ART5: variants seen among roughly 807,000 people sequenced by gnomAD.
The protein encoded by ART5 is ADP-ribosyltransferase 5.
Under a neutral mutation model 25.0 loss-of-function variants are expected in ART5, and 22 were observed. That is an observed-to-expected ratio of 0.88 (90% CI 0.63 to 1.26). The LOEUF is 1.26. ART5 is among the 50% of genes most tolerant of loss of function. The pLI is 0.00. For synonymous variants in ART5, 161 were observed against 154.8 expected (o/e 1.04, Z -0.30); for missense variants, 402 against 372.8 (o/e 1.08, Z -0.64).
Position 3,638,999 on chromosome 11 carries a change from T to C in ART5, c.820+4A>G, listed in dbSNP as rs1001035551. On this transcript the variant is annotated splice_donor_region_variant and intron_variant, in intron 3 of 3. Transcript: ENST00000397068. ...AGCTGAAGGAGGATGGAAGGGCAAC[T>C]CACCTGGCGCAGACACACAGCCCCG... The C allele has an allele frequency of 3.2e-6, 5 of 1,555,030 alleles. No homozygotes were observed. The highest frequency in any genetic ancestry group is 2.4e-5 in the East Asian group (1 of 41,098).
upstream of ART5, chr11:3,642,211 C>G (rs1286484726): frequency 1.7e-6 from 2 of 1,146,866 alleles, no homozygotes; most frequent in East Asian, 5.0e-5. Context: ...CGGGAGGGAG[C>G]GCCGAGGGCT....
chr11:3,640,981 G>A (rs2044427976), intron 1 of ART5, among the ~76,000 whole-genome samples: 1 of 152,134 alleles, frequency 6.6e-6, no homozygotes, highest in African/African-American at 2.4e-5. Flanking sequence ...GACCTCAAGT[G>A]ATCCACCAGC....
upstream of ART5, chr11:3,642,130 G>A (rs564622810): frequency 1.7e-5 from 23 of 1,322,898 alleles, no homozygotes; most frequent in African/African-American, 2.5e-4. Context: ...AGGCGGGGCC[G>A]CAGTTTGGCT....
chr11:3,642,123 C>CG (rs142402035), upstream of ART5: 6,366 of 1,323,084 alleles, frequency 4.8e-3, 249 homozygotes, highest in African/African-American at 0.082. Flanking sequence ...ACTGTAAAGG[C>CG]GGGGCCGCAG....
intron 1 of ART5, among the ~76,000 whole-genome samples, chr11:3,640,848 TCTC>T (rs1448842943): frequency 6.6e-6 from 1 of 152,174 alleles, no homozygotes; most frequent in Non-Finnish European, 1.5e-5. Flanking sequence ...TTCAAGCAAT[TCTC>T]CTCTCTCAGC....
rs762486736 is a variant in ART5, at chr11:3,639,650, T to C, written c.779A>G (p.Tyr260Cys). 1.9e-6 allele frequency: 3 copies of C among 1,611,560 alleles called. No homozygotes were observed. The highest frequency in any genetic ancestry group is 3.3e-5 in the Admixed American group (2 of 59,762). Reference sequence around the variant, plus strand: ...CCCCATGCACAGCTTACCACCCAGATAGGCGCAGTTAAAATGGCTACAGGT... The same window carrying C: ...CCCCATGCACAGCTTACCACCCAGACAGGCGCAGTTAAAATGGCTACAGGT... ...NQTCSHFNCA[Y>C]LGGEKRRGCV... is the part of the protein sequence containing the mutation. The change falls in exon 2 of 4, where the codon TAT (tyrosine) becomes TGT (cysteine). Residue 260 changes from tyrosine to cysteine, a missense_variant. Coordinates refer to ENST00000397068, the MANE Select transcript of ART5 (RefSeq NM_053017.5).
chr11:3,639,552 T>C (rs2077360489), intron 2 of ART5, 90 bp downstream of exon 2: 1 of 1,494,402 alleles, frequency 6.7e-7, no homozygotes, highest in Non-Finnish European at 8.9e-7. Context: ...ACCAAGTGGG[T>C]CTCCCGAAGG....
chr11:3,640,638 C>T (rs1372296601), intron 1 of ART5, among the ~76,000 whole-genome samples: 7 of 144,042 alleles, frequency 4.9e-5, no homozygotes, highest in Non-Finnish European at 1.1e-4. Flanking sequence ...GGTGAGATCT[C>T]GGCTCACTGC....
Position 3,640,353 on chromosome 11 carries a change from G to GGTT in ART5, c.75_76insAAC (p.Ile25_Leu26insAsn). ...GTGTCTGGAGCCAGGCCCAGGGGCA[G>GGTT]GATGGGAACAGCCTGGGCCTGTGGA... On this transcript the variant is annotated inframe_insertion, in exon 2 of 4. Coordinates refer to ENST00000397068, the MANE Select transcript of ART5 (RefSeq NM_053017.5). The GGTT allele has an allele frequency of 7.4e-7, 1 of 1,345,468 alleles. No homozygotes were observed. The highest frequency in any genetic ancestry group is 1.8e-4 in the Middle Eastern group (1 of 5,468). 83.3% of individuals were successfully genotyped at this position (1,345,468 alleles called of 1,614,324 possible).
chr11:3,641,719 G>A (rs1445779604), intron 1 of ART5, 87 bp downstream of exon 1: 1 of 1,539,452 alleles, frequency 6.5e-7, no homozygotes, highest in East Asian at 2.5e-5. Context: ...CTGGGAGAGG[G>A]ATGTGAGGAG....
chr11:3,640,310 A>G lies in ART5; in HGVS notation c.119T>C (p.Val40Ala), dbSNP rs768584884. 1 of 1,612,518 alleles carries G rather than the reference A, an allele frequency of 6.2e-7. No individual in the cohort carries two copies. The highest frequency in any genetic ancestry group is 8.5e-7 in the Non-Finnish European group (1 of 1,179,680). ...LAPDTFDDTY[V>A]GCAEEMEEKA... ...CTCCTCCATCTCCTCTGCACAACCC[A>G]CATAGGTATCGTCAAAGGTGTCTGG... Residue 40 changes from valine (V) to alanine (A), a missense_variant, in exon 2 of 4, where the codon GTG becomes GCG. Physicochemically the swap from Val to Ala is moderately conservative, Grantham distance 64 (BLOSUM62 0). Coordinates refer to ENST00000397068, the MANE Select transcript of ART5 (RefSeq NM_053017.5).
chr11:3,642,285 G>A (rs1233253716), upstream of ART5: 2 of 1,028,880 alleles, frequency 1.9e-6, no homozygotes, highest in African/African-American at 1.7e-5. Context: ...GGTTCTCGAG[G>A]CTAACTGTAG....
intron 1 of ART5, among the ~76,000 whole-genome samples, 159 bp downstream of exon 1, chr11:3,641,647 C>A (rs1047417527): frequency 3.9e-5 from 6 of 152,072 alleles, no homozygotes; most frequent in Non-Finnish European, 7.4e-5. Context: ...CTTGGGGCTC[C>A]CTGCAGAGAT....
In ART5 at chr11:3,639,766, C is replaced by T; in HGVS notation, c.663G>A (p.Glu221=). 1 of 1,614,174 alleles carries T rather than the reference C, an allele frequency of 6.2e-7. No individual in the cohort carries two copies. Residue 221 remains glutamate (E), a synonymous_variant, in exon 2 of 4, where the codon GAG becomes GAA. Coordinates refer to ENST00000397068, the MANE Select transcript of ART5 (RefSeq NM_053017.5). ...QAFSVFPKER[E]VLIPPHEVFL... ...AGACTTCATGGGGGGGAATCAGCACCTCGCGCTCCTTGGGAAAGACAGAGA... is the reference window on the plus strand; with the variant it reads ...AGACTTCATGGGGGGGAATCAGCACTTCGCGCTCCTTGGGAAAGACAGAGA...
chr11:3,639,114 G>T, intron 2 of ART5, 79 bp from the exon 3 acceptor site: 2 of 1,449,288 alleles, frequency 1.4e-6, no homozygotes, highest in South Asian at 1.2e-5. Context: ...CCCTGGCAGG[G>T]CCATTTCCCT....
upstream of ART5, chr11:3,642,179 T>G (rs1567921): frequency 2.5e-5 from 30 of 1,218,312 alleles, no homozygotes; most frequent in East Asian, 3.9e-4. Flanking sequence ...AGGACCCACT[T>G]GAAGGCTGCG....
rs141829693 is a variant in ART5 at position 3,641,699 on chromosome 11, G to C, written c.57+107C>G. The C allele has an allele frequency of 8.3e-3, 12,561 of 1,516,858 alleles. 73 individuals are homozygous for C. Among genetic ancestry groups the C allele is most frequent in the Non-Finnish European group, 9.0e-3 (10,091 of 1,122,890 alleles). The allele number at this position is 1,516,858 out of a possible 1,614,324, so 94.0% of individuals were successfully genotyped here. A position where few individuals can be genotyped will look rare whatever the true frequency, so the allele number is the denominator to read the frequency against. On this transcript the variant is annotated intron_variant, in intron 1 of 3. Transcript: ENST00000397068. ...AAGAGAGTTAAGAGTGGAATCCTAGGGAAGAGTCCCTGGGAGAGGGATGTG... is the reference window on the plus strand; with the variant it reads ...AAGAGAGTTAAGAGTGGAATCCTAGCGAAGAGTCCCTGGGAGAGGGATGTG...
chr11:3,642,104 C>T, upstream of ART5: 1 of 1,380,760 alleles, frequency 7.2e-7, no homozygotes, highest in Non-Finnish European at 9.4e-7. Flanking sequence ...GTCTGGGGAC[C>T]TTTCCGAGAC....
upstream of ART5, chr11:3,642,165 G>T (rs532009142): frequency 1.6e-6 from 2 of 1,270,540 alleles, no homozygotes; most frequent in South Asian, 2.2e-5. Context: ...AGGGCCGGGG[G>T]CGGAGGACCC....
Sources: gnomAD v4.1 joint callset for allele counts (sites outside exome capture counted in the v4.1 genomes callset) on GRCh38, gnomAD v4.1.1 for gene constraint, MANE v1.5 for transcripts, NCBI Gene and HGNC (gene_info 2026-07-23, HGNC 2026-07-21) for gene names.